The following FGF13 variants were observed in gnomAD, a reference collection of about 807,000 sequenced individuals.
FGF13 encodes the protein fibroblast growth factor 13.
FGF13 carries 2 observed loss-of-function variants against 19.5 expected under a neutral mutation model. That is an observed-to-expected ratio of 0.10 (90% CI 0.04 to 0.32). The LOEUF is 0.32. Among genes scored for constraint, FGF13 ranks in the 10% least tolerant of loss-of-function variants. FGF13 has a pLI of 1.00. For missense variants in FGF13, 113 were observed against 192.7 expected (o/e 0.59, Z 2.45); for synonymous variants, 72 against 76.9 (o/e 0.94, Z 0.33).
chrX:138,862,670 T>C (rs1291452659), intron 2 of FGF13, among the ~76,000 whole-genome samples: 1 of 112,115 alleles, frequency 8.9e-6, no homozygotes, highest in Non-Finnish European at 1.9e-5. Context: ...TATCTCTATA[T>C]AAGATTTAAG....
intron 1 of FGF13, among the ~76,000 whole-genome samples, chrX:138,866,105 AT>A (rs748238625): frequency 1.1e-3 from 124 of 112,650 alleles, no homozygotes; most frequent in South Asian, 4.4e-3. Context: ...CTGAGGCTAC[AT>A]TTTTCCAGAA....
intron 3 of FGF13, among the ~76,000 whole-genome samples, chrX:138,643,763 A>AC (rs1473524544): frequency 9.1e-6 from 1 of 109,633 alleles, no homozygotes; most frequent in Admixed American, 9.7e-5. Flanking sequence ...CCCCTAAAAA[A>AC]CCCCCTATTA....
At chrX:139,185,704 G>C (rs956669523) in intron 1 of FGF13, among the ~76,000 whole-genome samples, 11 of 111,603 alleles carry the variant, frequency 9.9e-5, no homozygotes, top group African/African-American at 3.6e-4. Flanking sequence ...CAAACATCAG[G>C]AAGTTCTTAG....
chrX:138,678,098 A>G (rs948364192), intron 3 of FGF13, among the ~76,000 whole-genome samples: 2 of 111,388 alleles, frequency 1.8e-5, no homozygotes, highest in African/African-American at 6.6e-5. Context: ...CAAACACCGC[A>G]TGTTCTCACT....
chrX:138,712,763 T>C (rs2090066588), upstream of FGF13, among the ~76,000 whole-genome samples: 1 of 112,021 alleles, frequency 8.9e-6, no homozygotes, highest in Non-Finnish European at 1.9e-5. Flanking sequence ...TACACCGTCT[T>C]TACTGGACTC....
At chrX:139,148,604 TAAA>T (rs754469846) in intron 1 of FGF13, among the ~76,000 whole-genome samples, 3 of 84,653 alleles carry the variant, frequency 3.5e-5, no homozygotes, top group African/African-American at 4.4e-5. Context: ...GCCATTGGTT[TAAA>T]AAAAAAAAAA....
intron 1 of FGF13, among the ~76,000 whole-genome samples, chrX:138,983,849 C>T (rs1036986597): frequency 4.6e-5 from 5 of 108,847 alleles, no homozygotes; most frequent in Admixed American, 2.0e-4. Context: ...GTTCAGCATT[C>T]GACTGGTATA....
chrX:139,053,042 A>G (rs2092307831), intron 1 of FGF13, among the ~76,000 whole-genome samples: 1 of 82,263 alleles, frequency 1.2e-5, no homozygotes, highest in Non-Finnish European at 2.2e-5. Flanking sequence ...AGTCCATTTT[A>G]TCCTTCTTAT....
At position 139,151,360 on chromosome X, in the gene FGF13, G is replaced by A. The variant is rs763679320; in HGVS notation, c.-113+52056C>T. Among the ~76,000 whole-genome samples the A allele has an allele frequency of 1.6e-4, 18 of 111,657 alleles. No homozygotes were observed. The South Asian group carries it at 6.7e-3, about 42-fold the overall frequency. ...TTCTAAAAGTTAAATGGCAGAGGTG[G>A]CTGCCACTGGCTGCCTTGTCAATGT... On this transcript the variant is annotated intron_variant, in intron 1 of 2. Transcript: ENST00000421460.
intron 1 of FGF13, among the ~76,000 whole-genome samples, chrX:138,933,190 A>G (rs762333090): frequency 1.2e-4 from 14 of 112,099 alleles, no homozygotes; most frequent in Non-Finnish European, 2.1e-4. Flanking sequence ...CTGTGAGGTT[A>G]CTGAGGGCAT....
intron 1 of FGF13, among the ~76,000 whole-genome samples, chrX:138,894,233 C>T (rs987861111): frequency 9.1e-6 from 1 of 110,097 alleles, no homozygotes; most frequent in Non-Finnish European, 1.9e-5. Context: ...CTCTTTCCAT[C>T]ACAATGGAAA....
chrX:139,056,559 A>C, intron 1 of FGF13, among the ~76,000 whole-genome samples: 1 of 112,605 alleles, frequency 8.9e-6, no homozygotes, highest in Non-Finnish European at 1.9e-5. Context: ...CTGTGCTAGG[A>C]ATCATTTTAA....
intron 3 of FGF13, among the ~76,000 whole-genome samples, chrX:138,847,521 C>G (rs926609862): frequency 7.2e-5 from 8 of 111,753 alleles, no homozygotes; most frequent in Middle Eastern, 9.3e-3. Flanking sequence ...AAGTGATTTT[C>G]ATGTGCTGGA....
At chrX:139,020,174 T>G (rs1307177804) in intron 1 of FGF13, among the ~76,000 whole-genome samples, 3 of 111,484 alleles carry the variant, frequency 2.7e-5, no homozygotes, top group Admixed American at 9.5e-5. Context: ...TAACTTAGGG[T>G]TACAAATTCA....
chrX:138,726,964 C>T (rs146013923), intron 1 of FGF13, among the ~76,000 whole-genome samples: 1,661 of 110,842 alleles, frequency 0.015, 37 homozygotes, highest in African/African-American at 0.051. Flanking sequence ...ACACTTCGCT[C>T]TGCTGCCATA....
At chrX:139,116,639 G>A (rs184850313) in intron 1 of FGF13, among the ~76,000 whole-genome samples, 1 of 111,393 alleles carries the variant, frequency 9.0e-6, no homozygotes, top group Non-Finnish European at 1.9e-5. Flanking sequence ...TGTGCTGAAG[G>A]TTGAATCCTG....
intron 3 of FGF13, among the ~76,000 whole-genome samples, chrX:138,851,637 A>G (rs772160039): frequency 7.1e-5 from 8 of 111,971 alleles, no homozygotes; most frequent in Non-Finnish European, 1.5e-4. Flanking sequence ...AGCTGGGGGC[A>G]TTCCCCTTGA....
rs1016348933 is a variant in FGF13, at chrX:139,089,991, G to A, written c.-113+113425C>T. 2.7e-5 allele frequency among the ~76,000 whole-genome samples: 3 copies of A among 111,614 alleles called. No homozygotes were observed. In the Admixed American group the frequency reaches 2.9e-4, roughly 11 times the overall value. On this transcript the variant is annotated intron_variant, in intron 1 of 2. Transcript: ENST00000421460. Reference sequence around the variant, plus strand: ...GTAACTGAGACTACAGGCGTAAGCCGCTGCACCTGGCTTTTAACATTATTA... The same window carrying A: ...GTAACTGAGACTACAGGCGTAAGCCACTGCACCTGGCTTTTAACATTATTA...
intron 1 of FGF13, among the ~76,000 whole-genome samples, chrX:138,892,761 T>C (rs1159373569): frequency 1.4e-4 from 15 of 109,498 alleles, no homozygotes; most frequent in African/African-American, 5.0e-4. Context: ...GAAGAGGAGA[T>C]GGGGGCTCAT....
Sources: allele counts gnomAD v4.1 joint callset (sites outside exome capture counted in the v4.1 genomes callset), GRCh38; gene constraint gnomAD v4.1.1; transcripts MANE v1.5; gene names NCBI Gene and HGNC (gene_info 2026-07-23, HGNC 2026-07-21).